Variants in WASL observed in about 807,000 individuals in gnomAD.
WASL encodes actin nucleation-promoting factor WASL.
Under a neutral mutation model 55.5 loss-of-function variants are expected in WASL, and 20 were observed. That is an observed-to-expected ratio of 0.36 (90% CI 0.25 to 0.52). The LOEUF is 0.52. Ranked by LOEUF, WASL falls within the 20% of genes least tolerant of loss-of-function variation. The pLI, the probability that WASL is intolerant of heterozygous loss-of-function variation, is 0.92. For missense variants in WASL, 504 were observed against 622.5 expected, an observed-to-expected ratio of 0.81 and a Z score of 2.03; for synonymous variants, 249 against 217.6, an observed-to-expected ratio of 1.14 and a Z score of -1.27.
At chr7:123,746,614 G>C (rs1217773901) in intron 1 of WASL, among the ~76,000 whole-genome samples, 1 of 152,206 alleles carries the variant, frequency 6.6e-6, no homozygotes, top group Non-Finnish European at 1.5e-5. Context: ...GCAGACAACT[G>C]AAAGTGTGGT....
intron 2 of WASL, among the ~76,000 whole-genome samples, chr7:123,707,607 A>G (rs1452724096): frequency 6.6e-6 from 1 of 152,236 alleles, no homozygotes; most frequent in Non-Finnish European, 1.5e-5. Context: ...TACCTAGACC[A>G]CAATTTAAAA....
intron 5 of WASL, 64 bp from the exon 6 acceptor site, chr7:123,696,811 T>C (rs969903551): frequency 2.7e-6 from 3 of 1,114,424 alleles, no homozygotes; most frequent in African/African-American, 3.3e-5. Context: ...ACAATCATAA[T>C]TTACAATTTA....
chr7:123,732,920 G>C (rs762090658), intron 1 of WASL, among the ~76,000 whole-genome samples: 6 of 152,014 alleles, frequency 3.9e-5, no homozygotes, highest in Non-Finnish European at 7.4e-5. Context: ...ATATCAATAG[G>C]CTAAAGAAAA....
chr7:123,728,974 C>A (rs1804098410), intron 1 of WASL, among the ~76,000 whole-genome samples: 1 of 152,034 alleles, frequency 6.6e-6, no homozygotes, highest in Admixed American at 6.5e-5. Flanking sequence ...TTCAATAATT[C>A]ATGTAAGACA....
intron 5 of WASL, among the ~76,000 whole-genome samples, chr7:123,702,544 T>C (rs1803608782): frequency 6.6e-6 from 1 of 152,218 alleles, no homozygotes; most frequent in Non-Finnish European, 1.5e-5. Flanking sequence ...CATCCATGGA[T>C]TCGACCAACT....
intron 5 of WASL, among the ~76,000 whole-genome samples, chr7:123,701,884 T>G (rs79790687): frequency 0.097 from 14,674 of 151,698 alleles, 880 homozygotes; most frequent in Non-Finnish European, 0.13. Flanking sequence ...ATATGTATAT[T>G]TTATAAGTAT....
At chr7:123,744,811 T>A (rs1288844139) in intron 1 of WASL, among the ~76,000 whole-genome samples, 1 of 152,182 alleles carries the variant, frequency 6.6e-6, no homozygotes, top group Non-Finnish European at 1.5e-5. Context: ...AGGCAACAGA[T>A]CTAACTACAA....
intron 5 of WASL, among the ~76,000 whole-genome samples, chr7:123,702,694 C>T (rs1365448179): frequency 6.6e-6 from 1 of 152,122 alleles, no homozygotes; most frequent in Non-Finnish European, 1.5e-5. Context: ...ACCAAATGTA[C>T]CTAGCATTTA....
intron 1 of WASL, among the ~76,000 whole-genome samples, chr7:123,738,783 T>C (rs896552206): frequency 2.0e-5 from 3 of 152,084 alleles, no homozygotes; most frequent in African/African-American, 7.2e-5. Flanking sequence ...ATCAGGGGTG[T>C]CCAATCTTTT....
At chr7:123,747,466 T>A (rs1226302891) in intron 1 of WASL, among the ~76,000 whole-genome samples, 1 of 152,244 alleles carries the variant, frequency 6.6e-6, no homozygotes, top group Non-Finnish European at 1.5e-5. Context: ...GGTGGACTCC[T>A]ATGAAGTTAA....
chr7:123,692,968 CA>C, intron 8 of WASL, 101 bp from the exon 9 acceptor site: 1 of 1,282,470 alleles, frequency 7.8e-7, no homozygotes, highest in Non-Finnish European at 9.9e-7. Context: ...TGAATAATAC[CA>C]AAAAAGGGTC....
At chr7:123,726,962 T>C (rs1470802352) in intron 1 of WASL, among the ~76,000 whole-genome samples, 1 of 152,032 alleles carries the variant, frequency 6.6e-6, no homozygotes, top group East Asian at 1.9e-4. Flanking sequence ...AGAATATATA[T>C]AACATCCCTA....
chr7:123,704,641 G>C lies in WASL; in HGVS notation c.453C>G (p.Pro151=). The stretch of plus-strand genomic sequence containing the variant: ...AATTGTCAAAAAGCTTACCATTTGG[G>C]GGATCTCGTCTTTTCTCTGTTAGAA... ...RQRKSEKRRD[P]PNGPNLPMAT... Residue 151 remains proline (P), a synonymous_variant, in exon 5 of 11, where the codon CCC becomes CCG. Transcript: ENST00000223023. 1 of 1,506,086 alleles carries C rather than the reference G, an allele frequency of 6.6e-7. No individual in the cohort carries two copies. Among genetic ancestry groups the C allele is most frequent in the East Asian group, 2.3e-5 (1 of 42,672 alleles). The allele number at this position is 1,506,086 out of a possible 1,614,324, so 93.3% of individuals were successfully genotyped here. A position where few individuals can be genotyped will look rare whatever the true frequency, so the allele number is the denominator to read the frequency against.
chr7:123,702,535 A>G (rs1187159727), intron 5 of WASL, among the ~76,000 whole-genome samples: 2 of 152,144 alleles, frequency 1.3e-5, no homozygotes, highest in East Asian at 1.9e-4. Context: ...TGCATTCCAC[A>G]TCCATGGATT....
At chr7:123,708,146 G>A (rs1383955476) in intron 2 of WASL, among the ~76,000 whole-genome samples, 1 of 151,920 alleles carries the variant, frequency 6.6e-6, no homozygotes, top group Non-Finnish European at 1.5e-5. Context: ...TGCACTCCAG[G>A]CTGGGTGACA....
chr7:123,724,461 CATAAT>C (rs2116808143), intron 1 of WASL, among the ~76,000 whole-genome samples: 1 of 152,258 alleles, frequency 6.6e-6, no homozygotes, highest in East Asian at 1.9e-4. Context: ...TCTGTATTCT[CATAAT>C]ATTTCATTTA....
chr7:123,690,065 T>C (rs971787507), intron 9 of WASL, among the ~76,000 whole-genome samples: 4 of 152,194 alleles, frequency 2.6e-5, no homozygotes, highest in Non-Finnish European at 5.9e-5. Context: ...TATTAACTAT[T>C]TCCAGTATAG....
At chr7:123,700,757 C>T (rs1803576117) in intron 5 of WASL, among the ~76,000 whole-genome samples, 1 of 152,120 alleles carries the variant, frequency 6.6e-6, no homozygotes. Context: ...ACCTCTTATA[C>T]CTCTTACACA....
In WASL at chr7:123,708,093, G is replaced by T. The variant is rs918265466; in HGVS notation, c.252+996C>A. 1.3e-5 allele frequency among the ~76,000 whole-genome samples: 2 copies of T among 152,062 alleles called. 1 individual carries two copies. On this transcript the variant is annotated intron_variant, in intron 2 of 10. Coordinates refer to ENST00000223023, the MANE Select transcript of WASL (RefSeq NM_003941.4). Reference sequence around the variant, plus strand: ...CACAGCTACTCAGAAGGCTGAGGTGGGAAGATTGCTTGGGCCAAGGAGATC... The same window carrying T: ...CACAGCTACTCAGAAGGCTGAGGTGTGAAGATTGCTTGGGCCAAGGAGATC...
Sources: gnomAD v4.1 joint callset for allele counts (sites outside exome capture counted in the v4.1 genomes callset) on GRCh38, gnomAD v4.1.1 for gene constraint, MANE v1.5 for transcripts, NCBI Gene and HGNC (gene_info 2026-07-23, HGNC 2026-07-21) for gene names.